The following GPR85 variants were observed in gnomAD, a reference collection of about 807,000 sequenced individuals.
GPR85 encodes the protein G protein-coupled receptor 85.
Under a neutral mutation model 21.3 loss-of-function variants are expected in GPR85, and 7 were observed. The observed-to-expected ratio is 0.33, with a 90% CI of 0.19 to 0.62. The LOEUF (loss-of-function observed/expected upper bound fraction) is 0.62. Among genes scored for constraint, GPR85 ranks in the 20% least tolerant of loss-of-function variants. The pLI, the probability that GPR85 is intolerant of heterozygous loss-of-function variation, is 0.80. For missense variants in GPR85, 299 were observed against 443.8 expected (o/e 0.67, Z 2.93); for synonymous variants, 167 against 166.1 (o/e 1.01, Z -0.04).
intron 2 of GPR85, 41 bp from the exon 3 acceptor site, chr7:113,084,932 A>C: frequency 2.0e-6 from 1 of 498,102 alleles, no homozygotes; most frequent in Non-Finnish European, 3.6e-6. Context: ...TTCTTAAGTT[A>C]ACAAGCAATG....
At position 113,083,598 on chromosome 7, in the gene GPR85, C is replaced by T. The variant is rs1212739834; in HGVS notation, c.*11G>A. 3 of 1,601,200 alleles carry T rather than the reference C, an allele frequency of 1.9e-6. No individual in the cohort carries two copies. The highest frequency in any genetic ancestry group is 2.3e-5 in the South Asian group (2 of 88,666). ...TAGTTTTCACAAGGCTAAAGATTTA[C>T]AGATGCTCCCTCATATAACACAGTA... On this transcript the variant is annotated 3_prime_UTR_variant, in exon 3 of 3. Coordinates refer to ENST00000424100, the MANE Select transcript of GPR85 (RefSeq NM_001146267.2). The surrounding 1 kb of genome is among the most constrained non-coding windows in gnomAD (Gnocchi z 4.4).
At position 113,086,390 on chromosome 7, in the gene GPR85, C is replaced by CTTTTTCTTTTTTTTTTTT. The variant is rs1794281567; in HGVS notation, c.-375_-358dup. 7.9e-5 allele frequency: 2 copies of CTTTTTCTTTTTTTTTTTT among 25,302 alleles called. No homozygotes were observed. Among genetic ancestry groups the CTTTTTCTTTTTTTTTTTT allele is most frequent in the Non-Finnish European group, 1.6e-4 (2 of 12,728 alleles). The allele number at this position is 25,302 out of a possible 1,614,324, so 1.6% of individuals were successfully genotyped here. ...AAATTGCTGATTTTTTTCTTTTTTT[C>CTTTTTCTTTTTTTTTTTT]TTTTTCTTTTTTTTTTTTTTTTTTT... On this transcript the variant is annotated 5_prime_UTR_variant, in exon 1 of 3. Coordinates refer to ENST00000424100, the MANE Select transcript of GPR85 (RefSeq NM_001146267.2).
Position 113,084,319 on chromosome 7 carries a change from A to C in GPR85, c.403T>G (p.Phe135Val), listed in dbSNP as rs745324367. 1.2e-5 allele frequency: 20 copies of C among 1,614,030 alleles called. No individual in the cohort carries two copies. Among genetic ancestry groups the C allele is most frequent in the Non-Finnish European group, 1.7e-5 (20 of 1,180,012 alleles). Residue 135 changes from phenylalanine (F) to valine (V), a missense_variant, in exon 3 of 3, where the codon TTT (phenylalanine) becomes GTT (valine). Physicochemically the swap from Phe to Val is conservative, Grantham distance 50. Coordinates refer to ENST00000424100, the MANE Select transcript of GPR85 (RefSeq NM_001146267.2). ...HHRFYTKRLT[F>V]WTCLAVICMV... ...CAGATCACAGCCAGACACGTCCAAA[A>C]GGTCAGCCTCTTTGTATAGAAGCGG...
In GPR85 at chr7:113,086,446, C is replaced by CTTTTTTTTTTTTTTTTTT. The variant is rs1794306203; in HGVS notation, c.-414_-413insAAAAAAAAAAAAAAAAAA. 1 of 12,504 alleles carries CTTTTTTTTTTTTTTTTTT rather than the reference C, an allele frequency of 8.0e-5. No individual in the cohort carries two copies. The highest frequency in any genetic ancestry group is 1.5e-4 in the Non-Finnish European group (1 of 6,524). The allele number at this position is 12,504 out of a possible 1,614,324, so 0.8% of individuals were successfully genotyped here. On this transcript the variant is annotated 5_prime_UTR_variant, in exon 1 of 3. Transcript: ENST00000424100. ...TTTGTTTTTTTTTTTTTTTTTTTTGCCTTAGTGCCTTGACTGAGCATCCAG... is the reference window on the plus strand; with the variant it reads ...TTTGTTTTTTTTTTTTTTTTTTTTGCTTTTTTTTTTTTTTTTTTCTTAGTGCCTTGACTGAGCATCCAG...
In GPR85 at chr7:113,086,396, C is replaced by CTTTTTTTTTTTTTTTTTGTTTTT. The variant is rs1794283401; in HGVS notation, c.-364_-363insAAAAACAAAAAAAAAAAAAAAAA. ...CTGATTTTTTTCTTTTTTTCTTTTTCTTTTTTTTTTTTTTTTTTTTGTTTT... is the reference window on the plus strand; with the variant it reads ...CTGATTTTTTTCTTTTTTTCTTTTTCTTTTTTTTTTTTTTTTTGTTTTTTTTTTTTTTTTTTTTTTTTTGTTTT... On this transcript the variant is annotated 5_prime_UTR_variant, in exon 1 of 3. It removes the in-frame stop codon of an upstream open reading frame in the 5' UTR. Coordinates refer to ENST00000424100, the MANE Select transcript of GPR85 (RefSeq NM_001146267.2). 1 of 48,066 alleles carries CTTTTTTTTTTTTTTTTTGTTTTT rather than the reference C, an allele frequency of 2.1e-5. No homozygotes were observed. The highest frequency in any genetic ancestry group is 3.6e-5 in the Non-Finnish European group (1 of 28,132). The allele number at this position is 48,066 out of a possible 1,614,324, so 3.0% of individuals were successfully genotyped here.
Position 113,086,405 on chromosome 7 carries a change from T to TTTTTTTTTTG in GPR85, c.-373_-372insCAAAAAAAAA, listed in dbSNP as rs1562996794. 1.1e-3 allele frequency: 101 copies of TTTTTTTTTTG among 94,744 alleles called. 10 individuals are homozygous for TTTTTTTTTTG. Among genetic ancestry groups the TTTTTTTTTTG allele is most frequent in the East Asian group, 1.8e-3 (5 of 2,812 alleles). 5.9% of individuals were successfully genotyped at this position (94,744 alleles called of 1,614,324 possible). A position where few individuals can be genotyped will look rare whatever the true frequency, so the allele number is the denominator to read the frequency against. On this transcript the variant is annotated 5_prime_UTR_variant, in exon 1 of 3. It introduces an in-frame stop codon into an upstream open reading frame of the 5' UTR. Transcript: ENST00000424100. Reference sequence around the variant, plus strand: ...TTCTTTTTTTCTTTTTCTTTTTTTTTTTTTTTTTTTTGTTTTTTGTTTTTT... The same window carrying TTTTTTTTTTG: ...TTCTTTTTTTCTTTTTCTTTTTTTTTTTTTTTTTTGTTTTTTTTTTTGTTTTTTGTTTTTT...
upstream of GPR85, among the ~76,000 whole-genome samples, chr7:113,086,993 T>C (rs1794323654): frequency 6.6e-6 from 1 of 152,062 alleles, no homozygotes; most frequent in Non-Finnish European, 1.5e-5. Flanking sequence ...GCAGGTTAGC[T>C]GGAAAAAGAC....
In GPR85 at chr7:113,084,467, A is replaced by G. The variant is rs1396818779; in HGVS notation, c.255T>C (p.Ser85=). 8.1e-6 allele frequency: 13 copies of G among 1,614,084 alleles called. No homozygotes were observed. The highest frequency in any genetic ancestry group is 2.2e-5 in the East Asian group (1 of 44,878). The change falls in exon 3 of 3, where the codon TCT becomes TCC. Residue 85 remains serine, a synonymous_variant. Transcript: ENST00000424100. ...PFVFNSVKNG[S]TWTYGTLTCK... ...AAGTCAGAGTCCCATAAGTCCAGGT[A>G]GAACCATTTTTGACAGAGTTGAACA...
rs1245422095 is a variant in GPR85 at position 113,086,424 on chromosome 7, GTTTTTTT to G, written c.-398_-392del. 8 of 63,864 alleles carry G rather than the reference GTTTTTTT, an allele frequency of 1.3e-4. No homozygotes were observed. Among genetic ancestry groups the G allele is most frequent in the African/African-American group, 2.0e-4 (3 of 15,248 alleles). 4.0% of individuals were successfully genotyped at this position (63,864 alleles called of 1,614,324 possible). On this transcript the variant is annotated 5_prime_UTR_variant, in exon 1 of 3. It removes the in-frame stop codon of an upstream open reading frame in the 5' UTR. Transcript: ENST00000424100. ...TTTTTTTTTTTTTTTTTTGTTTTTT[GTTTTTTT>G]TTTTTTTTTTTTTGCCTTAGTGCCT...
At chr7:113,085,262 T>C (rs1794244347) in intron 2 of GPR85, among the ~76,000 whole-genome samples, 1 of 152,226 alleles carries the variant, frequency 6.6e-6, no homozygotes, top group African/African-American at 2.4e-5. Context: ...ATTTGAGATC[T>C]ATTAGTATCT....
rs866100078 is a variant in GPR85, at chr7:113,084,784, G to A, written c.-63C>T. 8.6e-7 allele frequency: 1 copy of A among 1,163,746 alleles called. No individual in the cohort carries two copies. Among genetic ancestry groups the A allele is most frequent in the Non-Finnish European group, 1.2e-6 (1 of 816,298 alleles). The allele number at this position is 1,163,746 out of a possible 1,614,324, so 72.1% of individuals were successfully genotyped here. A position where few individuals can be genotyped will look rare whatever the true frequency, so the allele number is the denominator to read the frequency against. Reference sequence around the variant, plus strand: ...CTCATGATCTAGATATAAGAACAAGGAAAAGATAGATCCATACATTTTACT... The same window carrying A: ...CTCATGATCTAGATATAAGAACAAGAAAAAGATAGATCCATACATTTTACT... On this transcript the variant is annotated 5_prime_UTR_variant, in exon 3 of 3. Transcript: ENST00000424100.
At chr7:113,084,940 A>G in intron 2 of GPR85, 49 bp from the exon 3 acceptor site, 1 of 485,494 alleles carries the variant, frequency 2.1e-6, no homozygotes, top group Non-Finnish European at 3.7e-6. Flanking sequence ...TTAACAAGCA[A>G]TGATGTCAGA....
Position 113,083,686 on chromosome 7 carries a change from G to T in GPR85, c.1036C>A (p.Leu346Met). Reference protein sequence around the residue: ...PFVCIFSNRELRRCFSTTLLY... With the variant: ...PFVCIFSNREMRRCFSTTLLY... The stretch of plus-strand genomic sequence containing the variant: ...AGGGTTGTGCTGAAACAGCGCCTCA[G>T]CTCCCTGTTTGAGAAAATGCAGACA... The change falls in exon 3 of 3, where the codon CTG becomes ATG. Residue 346 changes from leucine to methionine, a missense_variant. Around this residue, in one of 2 missense-constraint regions of GPR85, gnomAD observed 198 missense variants for 335.4 expected, o/e 0.59. Transcript: ENST00000424100. The surrounding 1 kb of genome is among the most constrained non-coding windows in gnomAD (Gnocchi z 4.4). 1 of 1,614,078 alleles carries T rather than the reference G, an allele frequency of 6.2e-7. No individual in the cohort carries two copies. Among genetic ancestry groups the T allele is most frequent in the Non-Finnish European group, 8.5e-7 (1 of 1,179,934 alleles).
chr7:113,084,359 T>C lies in GPR85; in HGVS notation c.363A>G (p.Leu121=). The C allele has an allele frequency of 6.2e-7, 1 of 1,614,020 alleles. No individual in the cohort carries two copies. Among genetic ancestry groups the C allele is most frequent in the Non-Finnish European group, 8.5e-7 (1 of 1,179,950 alleles). ...MLFCISVTRY[L]AIAHHRFYTK... The stretch of plus-strand genomic sequence containing the variant: ...TATAGAAGCGGTGATGGGCGATAGC[T>C]AAATATCTGGTGACACTGATGCAGA... The change falls in exon 3 of 3, where the codon TTA becomes TTG. Residue 121 remains leucine, a synonymous_variant. Transcript: ENST00000424100.
upstream of GPR85, among the ~76,000 whole-genome samples, chr7:113,086,959 T>A (rs1054084883): frequency 5.3e-5 from 8 of 152,070 alleles, no homozygotes; most frequent in Admixed American, 4.6e-4. Flanking sequence ...TTTTAAGTGA[T>A]GTCTCCAGCT....
chr7:113,086,163 C>CACAT (rs1404840521), intron 1 of GPR85, 54 bp from the exon 2 acceptor site: 1 of 99,338 alleles, frequency 1.0e-5, no homozygotes, highest in Admixed American at 1.1e-4. Context: ...TGTCACAAAA[C>CACAT]ACATACACAC....
At chr7:113,086,924 C>T (rs1321336977), upstream of GPR85, among the ~76,000 whole-genome samples, 1 of 151,788 alleles carries the variant, frequency 6.6e-6, no homozygotes, top group Non-Finnish European at 1.5e-5. Context: ...GTCCAAACCA[C>T]CGGAGGCTTC....
At chr7:113,085,150 AT>A (rs1054966314) in intron 2 of GPR85, among the ~76,000 whole-genome samples, 1 of 152,206 alleles carries the variant, frequency 6.6e-6, no homozygotes, top group Non-Finnish European at 1.5e-5. Flanking sequence ...AAGGAATAAA[AT>A]GTCCCATTCT....
Position 113,084,664 on chromosome 7 carries a change from C to T in GPR85, c.58G>A (p.Ala20Thr), listed in dbSNP as rs1209108847. 4.3e-6 allele frequency: 7 copies of T among 1,613,640 alleles called. No individual in the cohort carries two copies. The highest frequency in any genetic ancestry group is 5.1e-6 in the Non-Finnish European group (6 of 1,179,702). ...NILQNLSPLT[A>T]FLKLTSLGFI... ...CCCAAGGAAGTCAGTTTCAGAAAGGCTGTTAGAGGCGAGAGATTTTGCAAA... is the reference window on the plus strand; with the variant it reads ...CCCAAGGAAGTCAGTTTCAGAAAGGTTGTTAGAGGCGAGAGATTTTGCAAA... Residue 20 changes from alanine to threonine, a missense_variant, in exon 3 of 3, where the codon GCC (alanine) becomes ACC (threonine). Ala to Thr is a moderately conservative substitution (Grantham distance 58). Transcript: ENST00000424100.
Sources: allele counts gnomAD v4.1 joint callset (sites outside exome capture counted in the v4.1 genomes callset), GRCh38; gene constraint gnomAD v4.1.1; regional missense constraint gnomAD v4.1.1; non-coding constraint Gnocchi (gnomAD v3.1); transcripts MANE v1.5; gene names NCBI Gene and HGNC (gene_info 2026-07-23, HGNC 2026-07-21).